ACLY: variants seen among roughly 807,000 people sequenced by gnomAD.
ACLY encodes ATP citrate lyase, also known as ATP-citrate synthase.
ACLY carries 41 observed loss-of-function variants against 133.0 expected under a neutral mutation model. The observed-to-expected ratio is 0.31, with a 90% CI of 0.24 to 0.40. The LOEUF (loss-of-function observed/expected upper bound fraction) is 0.40, where lower values mean the gene tolerates loss of function less well. Ranked by LOEUF, ACLY falls within the 10% of genes least tolerant of loss-of-function variation. The pLI is 1.00. For synonymous variants in ACLY, 495 were observed against 549.3 expected, an observed-to-expected ratio of 0.90 and a Z score of 1.38; for missense variants, 1,046 against 1,453.8, an observed-to-expected ratio of 0.72 and a Z score of 4.56.
upstream of ACLY, chr17:41,919,067 A>C: frequency 8.0e-7 from 1 of 1,248,210 alleles, no homozygotes; most frequent in South Asian, 1.3e-5. Context: ...CCCTAGCCTG[A>C]GCGCCAGGGC....
chr17:41,927,652 C>T (rs1476864129), intron 1 of ACLY, among the ~76,000 whole-genome samples: 1 of 152,022 alleles, frequency 6.6e-6, no homozygotes, highest in African/African-American at 2.4e-5. Flanking sequence ...ACAGTGAAAC[C>T]CTGTCTCTAC....
chr17:41,906,247 T>C (rs965617245), intron 8 of ACLY, among the ~76,000 whole-genome samples: 4 of 152,196 alleles, frequency 2.6e-5, no homozygotes, highest in African/African-American at 9.7e-5. Flanking sequence ...CAGGCAACTT[T>C]CACTTTCTAG....
At chr17:41,889,794 T>C (rs1301056982) in intron 16 of ACLY, among the ~76,000 whole-genome samples, 1 of 152,070 alleles carries the variant, frequency 6.6e-6, no homozygotes, top group African/African-American at 2.4e-5. Flanking sequence ...CAAGTGATTC[T>C]CTTGCCTCAG....
At chr17:41,872,761 C>G (rs554704653) in intron 23 of ACLY, among the ~76,000 whole-genome samples, 1 of 152,326 alleles carries the variant, frequency 6.6e-6, no homozygotes, top group East Asian at 1.9e-4. Context: ...GCCAGACTGA[C>G]AGGAGGTGAG....
Position 41,868,174 on chromosome 17 carries a change from C to T in ACLY, c.3212-270G>A, listed in dbSNP as rs539754691. Among the ~76,000 whole-genome samples the T allele has an allele frequency of 2.0e-5, 3 of 152,064 alleles. No individual in the cohort carries two copies. In the East Asian group the frequency reaches 5.8e-4, roughly 29 times the overall value. On this transcript the variant is annotated intron_variant, in intron 28 of 28. Transcript: ENST00000352035. ...TAAAAATAGGCCGGGCACGGTGGTT[C>T]ACGCCTGTAATCCCAGCACTTTGGG... is the stretch of plus-strand genomic sequence containing the variant.
rs782031851 is a variant in ACLY, at chr17:41,912,546, G to A, written c.160-4C>T. 1 of 1,614,030 alleles carries A rather than the reference G, an allele frequency of 6.2e-7. No individual in the cohort carries two copies. Among genetic ancestry groups the A allele is most frequent in the Non-Finnish European group, 8.5e-7 (1 of 1,179,954 alleles). On this transcript the variant is annotated splice_region_variant and splice_polypyrimidine_tract_variant and intron_variant, in intron 2 of 28. Transcript: ENST00000352035. The stretch of plus-strand genomic sequence containing the variant: ...GGTCTGGCTTGACTACCAAGTTCTG[G>A]AACAAAAGCGGTTTGTATTTAGAGT...
chr17:41,906,618 T>C lies in ACLY; in HGVS notation c.776A>G (p.Lys259Arg), dbSNP rs1268789604. ...EEAYIADLDA[K>R]SGASLKLTLL... ...GGTCAGCTTCAGGCTTGCCCCACTT[T>C]TGGCATCGAGGTCTGCAATGTAGGC... Residue 259 changes from lysine (K) to arginine (R), a missense_variant, in exon 8 of 29, where the codon AAA becomes AGA. Transcript: ENST00000352035. 6.2e-7 allele frequency: 1 copy of C among 1,614,178 alleles called. No individual in the cohort carries two copies. Among genetic ancestry groups the C allele is most frequent in the Non-Finnish European group, 8.5e-7 (1 of 1,180,020 alleles).
At chr17:41,914,874 G>C (rs2050010497) in intron 1 of ACLY, among the ~76,000 whole-genome samples, 1 of 152,102 alleles carries the variant, frequency 6.6e-6, no homozygotes, top group Non-Finnish European at 1.5e-5. Context: ...GCAAGACCTT[G>C]TGTCTAAAAA....
In ACLY at chr17:41,907,453, C is replaced by A. The variant is rs1555632865; in HGVS notation, c.736G>T (p.Ala246Ser). The A allele has an allele frequency of 6.2e-7, 1 of 1,613,722 alleles. No homozygotes were observed. The highest frequency in any genetic ancestry group is 1.7e-5 in the Admixed American group (1 of 60,000). The change falls in exon 7 of 29, where the codon GCA becomes TCA. Residue 246 changes from alanine (A) to serine (S), a missense_variant. Physicochemically the swap from Ala to Ser is moderately conservative, Grantham distance 99 (BLOSUM62 1). This residue lies in a region of ACLY where 575 missense variants were observed against 804.2 expected (regional missense o/e 0.71). Coordinates refer to ENST00000352035, the MANE Select transcript of ACLY (RefSeq NM_001096.3). ...IEFPPPFGREAYPEEAYIADL... is the reference protein window; with the variant it reads ...IEFPPPFGRESYPEEAYIADL... ...TAAACCAGCCTTACCTCTGGATATG[C>A]CTCCCGCCCGAAGGGGGGAGGGAAC...
intron 17 of ACLY, among the ~76,000 whole-genome samples, chr17:41,887,374 G>C (rs370379483): frequency 5.5e-4 from 84 of 152,098 alleles, no homozygotes; most frequent in African/African-American, 1.9e-3. Flanking sequence ...GGAAGCGGAG[G>C]TTGCAGTGAG....
At chr17:41,907,131 G>A (rs1175534958) in intron 7 of ACLY, among the ~76,000 whole-genome samples, 1 of 152,128 alleles carries the variant, frequency 6.6e-6, no homozygotes, top group African/African-American at 2.4e-5. Context: ...TTCTCAGTGA[G>A]ACGCGGAGAG....
intron 23 of ACLY, 92 bp downstream of exon 23, chr17:41,873,719 T>A: frequency 1.5e-6 from 2 of 1,346,556 alleles, no homozygotes; most frequent in Middle Eastern, 2.2e-4. Flanking sequence ...TTGGACACAC[T>A]CCCCAGGCCT....
At chr17:41,888,599 G>C (rs1374071673) in intron 16 of ACLY, among the ~76,000 whole-genome samples, 1 of 152,156 alleles carries the variant, frequency 6.6e-6, no homozygotes, top group African/African-American at 2.4e-5. Context: ...AGATAGTATT[G>C]TAGGGGCCAG....
chr17:41,871,405 T>A (rs1203853721), intron 25 of ACLY, among the ~76,000 whole-genome samples: 1 of 148,818 alleles, frequency 6.7e-6, no homozygotes, highest in Non-Finnish European at 1.5e-5. Context: ...CAGACTGGAG[T>A]GCCATGGCAC....
At chr17:41,925,284 A>C (rs1362198472) in intron 1 of ACLY, among the ~76,000 whole-genome samples, 1 of 151,794 alleles carries the variant, frequency 6.6e-6, no homozygotes, top group Non-Finnish European at 1.5e-5. Context: ...TAAATAAATA[A>C]ATGAAAATAA....
chr17:41,869,119 T>G lies in ACLY; in HGVS notation c.3058A>C (p.Asn1020His). 1 of 1,610,438 alleles carries G rather than the reference T, an allele frequency of 6.2e-7. No homozygotes were observed. Among genetic ancestry groups the G allele is most frequent in the Non-Finnish European group, 8.5e-7 (1 of 1,179,158 alleles). The change falls in exon 27 of 29, where the codon AAT becomes CAT. Residue 1020 changes from asparagine to histidine, a missense_variant. Asn to His is a moderately conservative substitution (Grantham distance 68). Coordinates refer to ENST00000352035, the MANE Select transcript of ACLY (RefSeq NM_001096.3). ...VEKITTSKKP[N>H]LILNVDGLIG... ...AGACCATCTACATTCAGGATAAGAT[T>G]TGGCTTCTGGGAAGGCAAAAAAATT... is the stretch of plus-strand genomic sequence containing the variant.
At chr17:41,901,950 A>G in intron 10 of ACLY, 137 bp from the exon 11 acceptor site, 1 of 678,374 alleles carries the variant, frequency 1.5e-6, no homozygotes, top group African/African-American at 1.8e-5. Context: ...ATAAGCAGCC[A>G]CGGCCTGGGA....
chr17:41,882,092 G>C (rs1413963083), intron 20 of ACLY, among the ~76,000 whole-genome samples: 4 of 152,130 alleles, frequency 2.6e-5, no homozygotes, highest in Admixed American at 2.6e-4. Context: ...TTCCAGGCCA[G>C]GCATGGTGGC....
intron 25 of ACLY, chr17:41,870,217 G>C (rs1242347136): frequency 6.6e-6 from 1 of 152,540 alleles, no homozygotes; most frequent in Non-Finnish European, 1.5e-5. Context: ...GAATGAGTGA[G>C]TGTGGAGTGC....
Sources: allele counts gnomAD v4.1 joint callset (sites outside exome capture counted in the v4.1 genomes callset), GRCh38; gene constraint gnomAD v4.1.1; regional missense constraint gnomAD v4.1.1; transcripts MANE v1.5; gene names NCBI Gene and HGNC (gene_info 2026-07-23, HGNC 2026-07-21).